The following DLG2 variants were observed in gnomAD, a reference collection of about 807,000 sequenced individuals.
The protein encoded by DLG2 is discs large MAGUK scaffold protein 2.
A neutral mutation model predicts 132.5 loss-of-function variants in DLG2; 45 were observed. The observed-to-expected ratio is 0.34, with a 90% CI of 0.27 to 0.44. The LOEUF (loss-of-function observed/expected upper bound fraction) is 0.44. Among genes scored for constraint, DLG2 ranks in the 20% least tolerant of loss-of-function variants. The pLI is 1.00. For missense variants in DLG2, 1,045 were observed against 1,196.9 expected, an observed-to-expected ratio of 0.87 and a Z score of 1.87; for synonymous variants, 424 against 419.6, an observed-to-expected ratio of 1.01 and a Z score of -0.13.
intron 7 of DLG2, among the ~76,000 whole-genome samples, chr11:84,413,055 C>T (rs1395364664): frequency 6.6e-6 from 1 of 152,168 alleles, no homozygotes; most frequent in Non-Finnish European, 1.5e-5. Context: ...TTCAATCCTA[C>T]TGACACAATG....
chr11:84,644,854 T>C (rs868001827), intron 6 of DLG2, among the ~76,000 whole-genome samples: 1 of 152,092 alleles, frequency 6.6e-6, no homozygotes, highest in Non-Finnish European at 1.5e-5. Flanking sequence ...GTGGCTGACA[T>C]AGGATAAGTC....
At chr11:84,576,524 TAA>T (rs2099500510) in intron 6 of DLG2, among the ~76,000 whole-genome samples, 1 of 152,106 alleles carries the variant, frequency 6.6e-6, no homozygotes, top group African/African-American at 2.4e-5. Context: ...GTTTTTGAAA[TAA>T]AGTGTCTAGG....
intron 6 of DLG2, among the ~76,000 whole-genome samples, chr11:84,775,132 C>A (rs2070212321): frequency 6.6e-6 from 1 of 152,082 alleles, no homozygotes; most frequent in Non-Finnish European, 1.5e-5. Flanking sequence ...CATGAATAGA[C>A]ACTTCTCAAA....
At chr11:83,643,226 A>T (rs1166789129) in intron 18 of DLG2, among the ~76,000 whole-genome samples, 2 of 152,222 alleles carry the variant, frequency 1.3e-5, no homozygotes, top group Non-Finnish European at 2.9e-5. Flanking sequence ...TTTATCTCAA[A>T]AGTGGAATTA....
chr11:84,992,556 G>A (rs2057235671), intron 6 of DLG2, among the ~76,000 whole-genome samples: 1 of 152,168 alleles, frequency 6.6e-6, no homozygotes, highest in African/African-American at 2.4e-5. Context: ...ATCAGCATCT[G>A]TTGTTTCCTG....
intron 6 of DLG2, among the ~76,000 whole-genome samples, chr11:84,869,097 A>G (rs929806095): frequency 3.3e-5 from 5 of 152,232 alleles, no homozygotes; most frequent in Non-Finnish European, 7.3e-5. Flanking sequence ...CCTATTTGTT[A>G]CAGCTGCTGT....
At chr11:84,763,805 C>G (rs968544682) in intron 6 of DLG2, among the ~76,000 whole-genome samples, 1 of 152,094 alleles carries the variant, frequency 6.6e-6, no homozygotes, top group Non-Finnish European at 1.5e-5. Flanking sequence ...AGAGTATTAA[C>G]TGATCTATAA....
chr11:84,614,275 AG>A (rs977659095), intron 6 of DLG2, among the ~76,000 whole-genome samples: 50 of 152,244 alleles, frequency 3.3e-4, no homozygotes, highest in African/African-American at 1.2e-3. Context: ...GAGTATCTTT[AG>A]GGAGAGGTGG....
intron 7 of DLG2, among the ~76,000 whole-genome samples, chr11:84,391,312 T>C (rs558615017): frequency 6.6e-6 from 1 of 152,258 alleles, no homozygotes; most frequent in East Asian, 1.9e-4. Flanking sequence ...ATAAAAAATA[T>C]GAAATATTTG....
rs974245493 is a variant in DLG2, at chr11:84,562,789, G to T, written c.358-28058C>A. Among the ~76,000 whole-genome samples the T allele has an allele frequency of 3.5e-5, 5 of 142,816 alleles. No individual in the cohort carries two copies. In the East Asian group the frequency reaches 8.1e-4, roughly 23 times the overall value. The allele number at this position is 142,816 out of a possible 152,430, so 93.7% of individuals were successfully genotyped here. A position where few individuals can be genotyped will look rare whatever the true frequency, so the allele number is the denominator to read the frequency against. On this transcript the variant is annotated intron_variant, in intron 6 of 27. Coordinates refer to ENST00000376104, the MANE Select transcript of DLG2 (RefSeq NM_001142699.3). The stretch of plus-strand genomic sequence containing the variant: ...TTTTGAGACAGGTTCTTGCTCTGTC[G>T]CCCAGGCTGGAGTGCAGTGGTACGA...
At chr11:84,185,573 T>A (rs1196145825) in intron 8 of DLG2, among the ~76,000 whole-genome samples, 7 of 152,300 alleles carry the variant, frequency 4.6e-5, no homozygotes, top group Middle Eastern at 3.4e-3. Context: ...TTCCTTCTCC[T>A]GCCTGATTGC....
At chr11:83,669,788 G>T (rs2076526096) in intron 18 of DLG2, among the ~76,000 whole-genome samples, 1 of 152,130 alleles carries the variant, frequency 6.6e-6, no homozygotes, top group South Asian at 2.1e-4. Flanking sequence ...TCTGCACCCA[G>T]AACAGTGCTA....
intron 4 of DLG2, among the ~76,000 whole-genome samples, chr11:85,232,092 C>T (rs929103194): frequency 6.6e-6 from 1 of 151,844 alleles, no homozygotes; most frequent in African/African-American, 2.4e-5. Context: ...CTTTCCTCCA[C>T]CCATTAAGAT....
intron 7 of DLG2, among the ~76,000 whole-genome samples, chr11:84,390,805 A>T (rs2098790107): frequency 6.6e-6 from 1 of 152,196 alleles, no homozygotes; most frequent in South Asian, 2.1e-4. Context: ...TGGTAACCAT[A>T]AAATCTCAGC....
chr11:84,571,023 T>G (rs2099481666), intron 6 of DLG2, among the ~76,000 whole-genome samples: 2 of 152,092 alleles, frequency 1.3e-5, no homozygotes. Flanking sequence ...AATAGTGAGA[T>G]GAGTCTACAC....
intron 4 of DLG2, among the ~76,000 whole-genome samples, chr11:85,203,174 A>C (rs1812743629): frequency 6.6e-6 from 1 of 151,634 alleles, no homozygotes; most frequent in Admixed American, 6.6e-5. Context: ...AATACAACAC[A>C]AAAATAAACA....
At chr11:84,049,624 T>C (rs78240202) in intron 11 of DLG2, among the ~76,000 whole-genome samples, 2,041 of 151,948 alleles carry the variant, frequency 0.013, 43 homozygotes, top group African/African-American at 0.047. Flanking sequence ...AAGTATCACT[T>C]AATGCTTCAA....
At chr11:84,835,164 T>G (rs910630051) in intron 6 of DLG2, among the ~76,000 whole-genome samples, 8 of 151,822 alleles carry the variant, frequency 5.3e-5, no homozygotes, top group Non-Finnish European at 1.0e-4. Flanking sequence ...TACTCTGGGC[T>G]ATTTGTGCTG....
intron 6 of DLG2, among the ~76,000 whole-genome samples, chr11:84,695,861 A>T (rs2058561018): frequency 6.6e-6 from 1 of 151,474 alleles, no homozygotes; most frequent in African/African-American, 2.4e-5. Context: ...CTTACCCTTA[A>T]GGAGATTGTA....
Sources: allele counts gnomAD v4.1 joint callset (sites outside exome capture counted in the v4.1 genomes callset), GRCh38; gene constraint gnomAD v4.1.1; transcripts MANE v1.5; gene names NCBI Gene and HGNC (gene_info 2026-07-23, HGNC 2026-07-21).